The following KIAA1958 variants were observed in gnomAD, a reference collection of about 807,000 sequenced individuals.
KIAA1958 encodes KIAA1958.
In KIAA1958, 14 loss-of-function variants were observed where a neutral mutation model predicts 47.2. The observed-to-expected ratio is 0.30, with a 90% confidence interval of 0.20 to 0.46. The LOEUF (loss-of-function observed/expected upper bound fraction) is 0.46. Ranked by LOEUF, KIAA1958 falls within the 20% of genes least tolerant of loss-of-function variation. KIAA1958 has a pLI of 1.00. For synonymous variants in KIAA1958, 354 were observed against 353.3 expected, an observed-to-expected ratio of 1.00 and a Z score of -0.02; for missense variants, 803 against 909.2, an observed-to-expected ratio of 0.88 and a Z score of 1.50.
chr9:112,503,459 G>A (rs1834179360), intron 1 of KIAA1958, among the ~76,000 whole-genome samples: 1 of 151,852 alleles, frequency 6.6e-6, no homozygotes, highest in African/African-American at 2.4e-5. Flanking sequence ...TTTGAGACCA[G>A]CTGGGAAACA....
chr9:112,592,019 G>A (rs1835931801), intron 2 of KIAA1958, among the ~76,000 whole-genome samples: 1 of 152,112 alleles, frequency 6.6e-6, no homozygotes, highest in African/African-American at 2.4e-5. Flanking sequence ...GCTAGGGTTA[G>A]ACCGCACAGG....
chr9:112,592,257 T>A (rs1394038431), intron 2 of KIAA1958, among the ~76,000 whole-genome samples: 1 of 152,048 alleles, frequency 6.6e-6, no homozygotes, highest in Non-Finnish European at 1.5e-5. Flanking sequence ...GAAAAGAAAT[T>A]TAGAACTCAT....
chr9:112,591,209 G>A (rs1287617926), intron 2 of KIAA1958, among the ~76,000 whole-genome samples: 1 of 152,014 alleles, frequency 6.6e-6, no homozygotes, highest in African/African-American at 2.4e-5. Flanking sequence ...TCAGCCTCCT[G>A]AGTAGCTGGG....
intron 1 of KIAA1958, among the ~76,000 whole-genome samples, chr9:112,571,799 AT>A (rs1835540072): frequency 6.6e-6 from 1 of 150,934 alleles, no homozygotes; most frequent in Admixed American, 6.6e-5. Flanking sequence ...TAAAAAATAA[AT>A]AAATAAATAA....
At chr9:112,573,963 TGCCAAATGA>T in intron 1 of KIAA1958, 85 bp from the exon 2 acceptor site, 2 of 654,692 alleles carry the variant, frequency 3.1e-6, no homozygotes, top group South Asian at 2.8e-5. Flanking sequence ...TTTTTTTTTA[TGCCAAATGA>T]TCATATTTGG....
In KIAA1958 at chr9:112,668,719, C is replaced by T. The variant is rs1837382750; in HGVS notation, c.*8650C>T. The T allele has an allele frequency of 6.6e-6, 1 of 152,142 alleles. No homozygotes were observed. Among genetic ancestry groups the T allele is most frequent in the Admixed American group, 6.5e-5 (1 of 15,274 alleles). 9.4% of individuals were successfully genotyped at this position (152,142 alleles called of 1,614,324 possible). A position where few individuals can be genotyped will look rare whatever the true frequency, so the allele number is the denominator to read the frequency against. On this transcript the variant is annotated 3_prime_UTR_variant, in exon 4 of 4. Transcript: ENST00000337530. Reference sequence around the variant, plus strand: ...GCTTTAAATTTAGCAATAGAATAGGCAATGGACTGCTTTGCATTTCCTTAG... The same window carrying T: ...GCTTTAAATTTAGCAATAGAATAGGTAATGGACTGCTTTGCATTTCCTTAG...
chr9:112,573,523 G>GCCCAGT (rs1835576004), intron 1 of KIAA1958, among the ~76,000 whole-genome samples: 1 of 152,088 alleles, frequency 6.6e-6, no homozygotes, highest in Non-Finnish European at 1.5e-5. Flanking sequence ...GTCTTCTGGT[G>GCCCAGT]CCCAGTAGAG....
chr9:112,566,968 TATTA>T (rs1473934889), intron 1 of KIAA1958, among the ~76,000 whole-genome samples: 2 of 152,164 alleles, frequency 1.3e-5, no homozygotes, highest in Non-Finnish European at 2.9e-5. Flanking sequence ...AATATGCTCA[TATTA>T]ATTATTTTTT....
At chr9:112,508,526 T>C (rs866264322) in intron 1 of KIAA1958, among the ~76,000 whole-genome samples, 11 of 152,230 alleles carry the variant, frequency 7.2e-5, no homozygotes, top group African/African-American at 2.7e-4. Flanking sequence ...ATAATTTGCA[T>C]GGAAGATGAT....
chr9:112,579,600 A>G (rs1400829522), intron 2 of KIAA1958, among the ~76,000 whole-genome samples: 1 of 151,506 alleles, frequency 6.6e-6, no homozygotes, highest in Non-Finnish European at 1.5e-5. Context: ...TGATCTCTTT[A>G]TTTTTTCTTC....
chr9:112,543,616 A>G (rs1275851353), intron 1 of KIAA1958, among the ~76,000 whole-genome samples: 1 of 140,208 alleles, frequency 7.1e-6, no homozygotes, highest in African/African-American at 2.7e-5. Flanking sequence ...CTTGTTGCCC[A>G]GGCTAGAGTG....
chr9:112,608,432 G>A (rs1198733445), intron 2 of KIAA1958, among the ~76,000 whole-genome samples: 2 of 152,110 alleles, frequency 1.3e-5, no homozygotes, highest in Non-Finnish European at 2.9e-5. Context: ...GACAGAAAAG[G>A]AAGCATATGG....
chr9:112,504,610 C>T (rs913060008), intron 1 of KIAA1958, among the ~76,000 whole-genome samples: 1 of 152,100 alleles, frequency 6.6e-6, no homozygotes, highest in Non-Finnish European at 1.5e-5. Flanking sequence ...TGAGGTTATC[C>T]AGCACTGGAG....
chr9:112,495,137 A>T (rs552298002), intron 1 of KIAA1958, among the ~76,000 whole-genome samples: 1 of 151,764 alleles, frequency 6.6e-6, no homozygotes, highest in South Asian at 2.1e-4. Flanking sequence ...CTGGTCTTGA[A>T]TTCTTGGGCT....
In KIAA1958 at chr9:112,648,135, A is replaced by G. The variant is rs537696414; in HGVS notation, c.1344+2313A>G. On this transcript the variant is annotated intron_variant, in intron 3 of 3. Transcript: ENST00000337530. ...AACAACCATAAAACAGATGAAAGAT[A>G]TAAAACAATGTTTTTCAAGGCATTA... is the stretch of plus-strand genomic sequence containing the variant. Among the ~76,000 whole-genome samples, 7 of 152,366 alleles carry G rather than the reference A, an allele frequency of 4.6e-5. No homozygotes were observed. The South Asian group carries it at 1.4e-3, about 32-fold the overall frequency.
chr9:112,487,441 C>T (rs1833879508), intron 1 of KIAA1958, among the ~76,000 whole-genome samples: 1 of 151,824 alleles, frequency 6.6e-6, no homozygotes. Flanking sequence ...GCTGCAGGCG[C>T]AGTGCGTGGG....
At chr9:112,654,589 C>G (rs113384663) in intron 3 of KIAA1958, among the ~76,000 whole-genome samples, 188 of 151,668 alleles carry the variant, frequency 1.2e-3, no homozygotes, top group African/African-American at 4.3e-3. Flanking sequence ...CTCTCTGCCT[C>G]AGCTTCAAGT....
rs1833867619 is a variant in KIAA1958 at position 112,487,083 on chromosome 9, C to G, written c.-60C>G. On this transcript the variant is annotated 5_prime_UTR_variant, in exon 1 of 4. Coordinates refer to ENST00000337530, the MANE Select transcript of KIAA1958 (RefSeq NM_133465.4). The stretch of plus-strand genomic sequence containing the variant: ...GCTCTCGCAGGCCCCCCCGCGCCGA[C>G]CGCGTTCCTATGGACAGACGCACAG... 8.8e-6 allele frequency: 2 copies of G among 226,734 alleles called. No homozygotes were observed. Among genetic ancestry groups the G allele is most frequent in the South Asian group, 9.4e-5 (2 of 21,326 alleles). The allele number at this position is 226,734 out of a possible 1,614,324, so 14.0% of individuals were successfully genotyped here.
At chr9:112,564,525 C>T (rs372920533) in intron 1 of KIAA1958, among the ~76,000 whole-genome samples, 12 of 152,196 alleles carry the variant, frequency 7.9e-5, no homozygotes, top group East Asian at 5.8e-4. Flanking sequence ...TTAATTTTGT[C>T]ATCTTTTGAA....
Sources: allele counts gnomAD v4.1 joint callset (sites outside exome capture counted in the v4.1 genomes callset), GRCh38; gene constraint gnomAD v4.1.1; transcripts MANE v1.5; gene names NCBI Gene and HGNC (gene_info 2026-07-23, HGNC 2026-07-21).